Variants in XKR6 observed in about 807,000 individuals in gnomAD.
The protein encoded by XKR6 is XK related 6.
Under a neutral mutation model 56.7 loss-of-function variants are expected in XKR6, and 22 were observed. The observed-to-expected ratio is 0.39, with a 90% CI of 0.28 to 0.55. The LOEUF is 0.55. Among genes scored for constraint, XKR6 ranks in the 20% least tolerant of loss-of-function variants. The pLI, the probability that XKR6 is intolerant of heterozygous loss-of-function variation, is 0.66. For missense variants in XKR6, 852 were observed against 889.0 expected (o/e 0.96, Z 0.53); for synonymous variants, 524 against 387.8 (o/e 1.35, Z -4.13).
intron 1 of XKR6, among the ~76,000 whole-genome samples, chr8:11,032,338 G>C (rs1174771987): frequency 1.3e-5 from 2 of 152,166 alleles, no homozygotes; most frequent in Non-Finnish European, 2.9e-5. Context: ...CCCGAAAATG[G>C]CAGTTTTGCA....
chr8:10,973,711 G>T (rs1802472187), intron 1 of XKR6, among the ~76,000 whole-genome samples: 1 of 152,120 alleles, frequency 6.6e-6, no homozygotes, highest in Admixed American at 6.5e-5. Flanking sequence ...CTCCCAAGTA[G>T]CTGGGACTAC....
At chr8:11,066,089 C>T (rs1391768184) in intron 1 of XKR6, among the ~76,000 whole-genome samples, 3 of 152,196 alleles carry the variant, frequency 2.0e-5, no homozygotes, top group Non-Finnish European at 2.9e-5. Flanking sequence ...TGGCGTTTTC[C>T]GTTGCTTCAG....
At chr8:11,075,640 T>C (rs1238735047) in intron 1 of XKR6, among the ~76,000 whole-genome samples, 2 of 152,146 alleles carry the variant, frequency 1.3e-5, no homozygotes, top group Middle Eastern at 3.2e-3. Flanking sequence ...ATCCCAGCAC[T>C]TTGGGAGGCT....
At chr8:10,990,405 T>C (rs1313959103) in intron 1 of XKR6, among the ~76,000 whole-genome samples, 1 of 152,164 alleles carries the variant, frequency 6.6e-6, no homozygotes, top group African/African-American at 2.4e-5. Context: ...TGGGAGATTT[T>C]AAGACTGTGG....
chr8:11,123,859 A>C (rs1445480032), intron 1 of XKR6: 2 of 456,142 alleles, frequency 4.4e-6, no homozygotes, highest in African/African-American at 4.0e-5. Flanking sequence ...CGTGGTCCCC[A>C]CCTGGCACCT....
At chr8:10,977,308 G>T (rs1273584063) in intron 1 of XKR6, among the ~76,000 whole-genome samples, 1 of 151,984 alleles carries the variant, frequency 6.6e-6, no homozygotes, top group Non-Finnish European at 1.5e-5. Flanking sequence ...AGGGTCCATT[G>T]GTCTCCCCCA....
intron 1 of XKR6, among the ~76,000 whole-genome samples, chr8:11,054,547 T>A (rs546785432): frequency 6.6e-6 from 1 of 152,194 alleles, no homozygotes; most frequent in Non-Finnish European, 1.5e-5. Flanking sequence ...TAAATCCACC[T>A]GGCAATGTTA....
chr8:11,103,882 A>G (rs920694086), intron 1 of XKR6, among the ~76,000 whole-genome samples: 2 of 152,180 alleles, frequency 1.3e-5, no homozygotes, highest in Non-Finnish European at 2.9e-5. Flanking sequence ...AAATAAATTC[A>G]ATTCAAAATT....
At chr8:11,026,592 A>C (rs906523275) in intron 1 of XKR6, among the ~76,000 whole-genome samples, 2 of 150,724 alleles carry the variant, frequency 1.3e-5, no homozygotes, top group Non-Finnish European at 3.0e-5. Flanking sequence ...ACACACCTAG[A>C]TGGTCTAGCC....
chr8:11,181,170 G>T (rs191849959), intron 1 of XKR6, among the ~76,000 whole-genome samples: 31 of 152,202 alleles, frequency 2.0e-4, no homozygotes, highest in Non-Finnish European at 4.3e-4. Flanking sequence ...CTTTGGTGAG[G>T]GGATTTTAAA....
chr8:10,926,661 T>G (rs1387186780), intron 1 of XKR6, among the ~76,000 whole-genome samples: 1 of 152,226 alleles, frequency 6.6e-6, no homozygotes, highest in Admixed American at 6.5e-5. Context: ...CTGGCCCACC[T>G]TGCGGGTCAG....
intron 1 of XKR6, among the ~76,000 whole-genome samples, chr8:11,031,163 G>T (rs1045123589): frequency 9.2e-5 from 14 of 152,178 alleles, no homozygotes; most frequent in African/African-American, 3.4e-4. Flanking sequence ...GATCCAAGCT[G>T]GGCCAATCAG....
intron 1 of XKR6, among the ~76,000 whole-genome samples, chr8:10,990,771 C>T (rs900293951): frequency 3.9e-4 from 59 of 151,966 alleles, no homozygotes; most frequent in African/African-American, 1.3e-3. Context: ...TTTGTAGAGA[C>T]GAGATTTTGT....
At position 10,954,866 on chromosome 8, in the gene XKR6, C is replaced by CTCTTTTTTTTTTTTTTTTT. The variant is rs1563309729; in HGVS notation, c.765-30037_765-30036insAAAAAAAAAAAAAAAAAGA. On this transcript the variant is annotated intron_variant, in intron 1 of 2. Coordinates refer to ENST00000416569, the MANE Select transcript of XKR6 (RefSeq NM_173683.4). ...TAAGGTAAGGGTCTAACTTCATTCT[C>CTCTTTTTTTTTTTTTTTTT]TTTTTTTTTTTTTTTTTTTTAGACA... is the stretch of plus-strand genomic sequence containing the variant. 2.2e-4 allele frequency among the ~76,000 whole-genome samples: 20 copies of CTCTTTTTTTTTTTTTTTTT among 92,802 alleles called. 1 individual carries two copies. Among genetic ancestry groups the CTCTTTTTTTTTTTTTTTTT allele is most frequent in the South Asian group, 1.8e-3 (5 of 2,804 alleles). 60.9% of individuals were successfully genotyped at this position (92,802 alleles called of 152,430 possible).
intron 1 of XKR6, among the ~76,000 whole-genome samples, chr8:10,954,050 A>C (rs905914876): frequency 6.6e-6 from 1 of 152,194 alleles, no homozygotes; most frequent in African/African-American, 2.4e-5. Flanking sequence ...CATTTTGTTT[A>C]TCACATTCAT....
At chr8:11,173,509 A>C (rs1355916172) in intron 1 of XKR6, among the ~76,000 whole-genome samples, 6 of 151,956 alleles carry the variant, frequency 3.9e-5, no homozygotes, top group African/African-American at 1.5e-4. Context: ...CAGACTGACT[A>C]AACTGGAATC....
intron 1 of XKR6, chr8:11,124,334 A>G: frequency 3.3e-6 from 1 of 307,120 alleles, no homozygotes; most frequent in Non-Finnish European, 6.4e-6. Context: ...GAGATCATCA[A>G]TAACCCACTC....
Position 11,014,290 on chromosome 8 carries a change from C to A in XKR6, c.765-89460G>T, listed in dbSNP as rs560062730. Among the ~76,000 whole-genome samples the A allele has an allele frequency of 3.3e-5, 5 of 152,286 alleles. No individual in the cohort carries two copies. In the South Asian group the frequency reaches 1.0e-3, roughly 32 times the overall value. Reference sequence around the variant, plus strand: ...CAAAGGAGTGTAGCGGCCCTTAGCGCCCCTTCTGGAAAAACTGTTTTAAAA... The same window carrying A: ...CAAAGGAGTGTAGCGGCCCTTAGCGACCCTTCTGGAAAAACTGTTTTAAAA... On this transcript the variant is annotated intron_variant, in intron 1 of 2. Transcript: ENST00000416569.
intron 1 of XKR6, among the ~76,000 whole-genome samples, chr8:11,023,562 T>G (rs1425713529): frequency 6.6e-6 from 1 of 152,222 alleles, no homozygotes; most frequent in Non-Finnish European, 1.5e-5. Context: ...CTGTGCCACC[T>G]GGGACTGCTT....
Sources: allele counts gnomAD v4.1 joint callset (sites outside exome capture counted in the v4.1 genomes callset), GRCh38; gene constraint gnomAD v4.1.1; transcripts MANE v1.5; gene names NCBI Gene and HGNC (gene_info 2026-07-23, HGNC 2026-07-21).